JAKMIP3: variants seen among roughly 807,000 people sequenced by gnomAD.
JAKMIP3 encodes the protein janus kinase and microtubule-interacting protein 3.
A neutral mutation model predicts 118.5 loss-of-function variants in JAKMIP3; 58 were observed. The ratio of observed to expected loss-of-function variants is 0.49; its 90% CI spans 0.40 to 0.61. The LOEUF (loss-of-function observed/expected upper bound fraction) is 0.61. Ranked by LOEUF, JAKMIP3 falls within the 20% of genes least tolerant of loss-of-function variation. The pLI, the probability that JAKMIP3 is intolerant of heterozygous loss-of-function variation, is 0.00. For missense variants in JAKMIP3, 950 were observed against 1,109.0 expected, an observed-to-expected ratio of 0.86 and a Z score of 2.04; for synonymous variants, 486 against 451.2, an observed-to-expected ratio of 1.08 and a Z score of -0.98.
rs980506503 is a variant in JAKMIP3 at position 132,168,016 on chromosome 10, C to T, written c.*86C>T. On this transcript the variant is annotated 3_prime_UTR_variant, in exon 23 of 24. Coordinates refer to ENST00000684848, the MANE Select transcript of JAKMIP3 (RefSeq NM_001323087.2). ...AGAAAGCAGGGACAAAATGGGACGT[C>T]GCGTCTCCATCCTGAAGACCCAGGG... 11 of 1,289,470 alleles carry T rather than the reference C, an allele frequency of 8.5e-6. No individual in the cohort carries two copies. The highest frequency in any genetic ancestry group is 6.1e-5 in the African/African-American group (4 of 65,872). 79.9% of individuals were successfully genotyped at this position (1,289,470 alleles called of 1,614,324 possible).
chr10:132,092,833 G>C (rs543591815), intron 1 of JAKMIP3, among the ~76,000 whole-genome samples: 11 of 152,286 alleles, frequency 7.2e-5, no homozygotes, highest in Admixed American at 2.0e-4. Flanking sequence ...CTTTGGAGGG[G>C]GAGAGGCGCT....
chr10:132,176,935 C>T (rs114787561), intron 23 of JAKMIP3, among the ~76,000 whole-genome samples: 4,361 of 152,138 alleles, frequency 0.029, 152 homozygotes, highest in South Asian at 0.13. Flanking sequence ...TTTCTGGTTC[C>T]TATTGGCTTT....
At chr10:132,037,681 C>A (rs1336310611) in intron 1 of JAKMIP3, among the ~76,000 whole-genome samples, 2 of 152,238 alleles carry the variant, frequency 1.3e-5, no homozygotes, top group African/African-American at 4.8e-5. Flanking sequence ...TCGGGCTGCT[C>A]TGCTGACCCC....
intron 19 of JAKMIP3, among the ~76,000 whole-genome samples, chr10:132,159,870 G>C (rs2057814641): frequency 1.8e-5 from 1 of 55,978 alleles, no homozygotes; most frequent in African/African-American, 8.0e-5. Context: ...GTGTGATGCT[G>C]GGGGGGTCTC....
At chr10:132,149,207 G>C (rs1198099437) in intron 14 of JAKMIP3, among the ~76,000 whole-genome samples, 1 of 152,084 alleles carries the variant, frequency 6.6e-6, no homozygotes, top group South Asian at 2.1e-4. Flanking sequence ...TGGGGTCAGC[G>C]AATATACAGG....
chr10:132,162,579 T>A (rs981974003), intron 19 of JAKMIP3, among the ~76,000 whole-genome samples: 1 of 152,236 alleles, frequency 6.6e-6, no homozygotes, highest in Admixed American at 6.5e-5. Flanking sequence ...CAAAAGCATT[T>A]GTTTCCATTT....
At chr10:132,093,273 A>G (rs1041966659) in intron 1 of JAKMIP3, among the ~76,000 whole-genome samples, 1 of 152,192 alleles carries the variant, frequency 6.6e-6, no homozygotes, top group Non-Finnish European at 1.5e-5. Context: ...CCATGCTGGG[A>G]GAACCACTAC....
intron 1 of JAKMIP3, among the ~76,000 whole-genome samples, chr10:132,038,681 C>G (rs1412983590): frequency 6.6e-6 from 1 of 151,646 alleles, no homozygotes; most frequent in Non-Finnish European, 1.5e-5. Flanking sequence ...AATCCCAGCT[C>G]CTCGGGATGG....
intron 1 of JAKMIP3, among the ~76,000 whole-genome samples, chr10:132,068,218 C>CACTGTGGCTTCCGTGTGG (rs2039236510): frequency 6.8e-6 from 1 of 147,144 alleles, no homozygotes; most frequent in Non-Finnish European, 1.5e-5. Flanking sequence ...CTTCCGTGTG[C>CACTGTGGCTTCCGTGTGG]ACTGTGGCTT....
intron 5 of JAKMIP3, 45 bp downstream of exon 5, chr10:132,135,205 C>T (rs1227599678): frequency 5.1e-6 from 8 of 1,558,804 alleles, no homozygotes; most frequent in East Asian, 2.3e-5. Flanking sequence ...TTTGTGACTG[C>T]GGAGCTGGGG....
At chr10:132,048,498 A>G (rs913435125) in intron 1 of JAKMIP3, among the ~76,000 whole-genome samples, 1 of 152,138 alleles carries the variant, frequency 6.6e-6, no homozygotes, top group African/African-American at 2.4e-5. Flanking sequence ...TAATGACAAT[A>G]TTTGTTTTGT....
chr10:132,077,167 T>C (rs2040957147), intron 1 of JAKMIP3, among the ~76,000 whole-genome samples: 1 of 152,206 alleles, frequency 6.6e-6, no homozygotes, highest in Non-Finnish European at 1.5e-5. Context: ...GGGTTTTGCT[T>C]CCACGCTTAG....
intron 1 of JAKMIP3, among the ~76,000 whole-genome samples, chr10:132,078,906 C>T (rs1049160335): frequency 1.4e-4 from 22 of 152,336 alleles, no homozygotes; most frequent in Non-Finnish European, 2.9e-4. Context: ...GGCCGCCGTG[C>T]GCCCTGAGCT....
In JAKMIP3 at chr10:132,140,473, T is replaced by A. The variant is rs766445517; in HGVS notation, c.1367T>A (p.Phe456Tyr). The A allele has an allele frequency of 1.8e-5, 29 of 1,613,818 alleles. No individual in the cohort carries two copies. Among genetic ancestry groups the A allele is most frequent in the South Asian group, 1.6e-4 (15 of 91,080 alleles). ...LPKPVVVETFFGYDEEASLES... is the reference protein window; with the variant it reads ...LPKPVVVETFYGYDEEASLES... ...AAGCCGGTGGTTGTGGAGACCTTCTTTGGATACGACGAAGAGGCTTCCCTG... is the reference window on the plus strand; with the variant it reads ...AAGCCGGTGGTTGTGGAGACCTTCTATGGATACGACGAAGAGGCTTCCCTG... The change falls in exon 10 of 24, where the codon TTT (phenylalanine) becomes TAT (tyrosine). Residue 456 changes from phenylalanine (F) to tyrosine (Y), a missense_variant. Physicochemically the swap from Phe to Tyr is conservative, Grantham distance 22 (BLOSUM62 3). Coordinates refer to ENST00000684848, the MANE Select transcript of JAKMIP3 (RefSeq NM_001323087.2).
At chr10:132,140,408 C>T in intron 9 of JAKMIP3, 43 bp from the exon 10 acceptor site, 1 of 1,610,772 alleles carries the variant, frequency 6.2e-7, no homozygotes, top group Non-Finnish European at 8.5e-7. Context: ...GGCGGCTGTG[C>T]CTGGGTCTGG....
At chr10:132,177,819 G>A (rs2060313943) in intron 23 of JAKMIP3, among the ~76,000 whole-genome samples, 1 of 148,890 alleles carries the variant, frequency 6.7e-6, no homozygotes, top group Non-Finnish European at 1.5e-5. Flanking sequence ...GCATTTGGTT[G>A]TGCGTGCGCA....
intron 3 of JAKMIP3, among the ~76,000 whole-genome samples, chr10:132,120,980 A>G (rs1400309448): frequency 6.6e-6 from 1 of 152,216 alleles, no homozygotes; most frequent in Non-Finnish European, 1.5e-5. Flanking sequence ...CCTGGGCATG[A>G]GAGGCAGCTT....
In JAKMIP3 at chr10:132,102,882, A is replaced by G. The variant is rs1477462240; in HGVS notation, c.-137-1790A>G. On this transcript the variant is annotated intron_variant, in intron 1 of 23. Transcript: ENST00000684848. ...GAGACAGATGCAGGAGTAGGGGGGGAGGGCTGTGTTCACCAGGCCGGAGAG... is the reference window on the plus strand; with the variant it reads ...GAGACAGATGCAGGAGTAGGGGGGGGGGGCTGTGTTCACCAGGCCGGAGAG... Among the ~76,000 whole-genome samples the G allele has an allele frequency of 5.3e-5, 8 of 150,356 alleles. No homozygotes were observed. In the East Asian group the frequency reaches 5.9e-4, roughly 11 times the overall value.
intron 20 of JAKMIP3, 98 bp downstream of exon 20, chr10:132,163,510 C>T (rs181177771): frequency 3.8e-6 from 4 of 1,055,352 alleles, no homozygotes; most frequent in Non-Finnish European, 5.5e-6. Context: ...CAACCACTAC[C>T]CCTCTGTGGC....
Sources: allele counts gnomAD v4.1 joint callset (sites outside exome capture counted in the v4.1 genomes callset), GRCh38; gene constraint gnomAD v4.1.1; transcripts MANE v1.5; gene names NCBI Gene and HGNC (gene_info 2026-07-23, HGNC 2026-07-21).